The following HIP1 variants were observed in gnomAD, a reference collection of about 807,000 sequenced individuals.
HIP1 encodes huntingtin-interacting protein 1.
HIP1 carries 65 observed loss-of-function variants against 147.6 expected under a neutral mutation model. The ratio of observed to expected loss-of-function variants is 0.44; its 90% CI spans 0.36 to 0.54. The LOEUF is 0.54. HIP1 is among the 20% of genes least tolerant of loss of function. HIP1 has a pLI of 0.00. For missense variants in HIP1, 1,061 were observed against 1,299.6 expected, an observed-to-expected ratio of 0.82 and a Z score of 2.82; for synonymous variants, 479 against 504.0, an observed-to-expected ratio of 0.95 and a Z score of 0.67.
At chr7:75,637,535 G>A (rs1259010465) in intron 1 of HIP1, among the ~76,000 whole-genome samples, 5 of 79,058 alleles carry the variant, frequency 6.3e-5, no homozygotes, top group Admixed American at 2.8e-4. Flanking sequence ...CTGCAGAGAG[G>A]ATTTTTTTTT....
intron 9 of HIP1, among the ~76,000 whole-genome samples, chr7:75,565,279 G>A (rs1252152335): frequency 6.6e-6 from 1 of 152,134 alleles, no homozygotes; most frequent in Non-Finnish European, 1.5e-5. Flanking sequence ...CTACTCAGGG[G>A]AGATGTTTTT....
intron 1 of HIP1, among the ~76,000 whole-genome samples, chr7:75,645,243 TG>T (rs1404819598): frequency 6.6e-6 from 1 of 152,198 alleles, no homozygotes; most frequent in East Asian, 1.9e-4. Context: ...TATTATTTTT[TG>T]AGACGAAGTT....
intron 1 of HIP1, among the ~76,000 whole-genome samples, chr7:75,676,105 T>C (rs1799876592): frequency 6.6e-6 from 1 of 152,196 alleles, no homozygotes; most frequent in Non-Finnish European, 1.5e-5. Flanking sequence ...TAGGGTTTGT[T>C]CTTGTTGCTG....
At chr7:75,731,470 C>A (rs1168820680) in intron 1 of HIP1, among the ~76,000 whole-genome samples, 2 of 133,034 alleles carry the variant, frequency 1.5e-5, no homozygotes, top group Admixed American at 1.6e-4. Context: ...GTGACAGAGA[C>A]TCCAACTCAA....
chr7:75,730,066 A>G (rs1554522825), intron 1 of HIP1, among the ~76,000 whole-genome samples: 1 of 152,118 alleles, frequency 6.6e-6, no homozygotes, highest in Non-Finnish European at 1.5e-5. Flanking sequence ...CCGAGGGGGT[A>G]CAGTTGTCCA....
intron 9 of HIP1, among the ~76,000 whole-genome samples, chr7:75,567,332 G>C (rs1795446411): frequency 6.6e-6 from 1 of 151,240 alleles, no homozygotes; most frequent in African/African-American, 2.5e-5. Context: ...AGAACTTAGG[G>C]AGACAGAAAA....
intron 1 of HIP1, chr7:75,611,619 G>T (rs1341607829): frequency 3.0e-6 from 3 of 990,472 alleles, no homozygotes; most frequent in East Asian, 6.7e-5. Context: ...ATGCCTGGGG[G>T]CCCCTCCCAG....
At chr7:75,592,591 C>T in intron 2 of HIP1, 77 bp from the exon 3 acceptor site, 1 of 1,474,588 alleles carries the variant, frequency 6.8e-7, no homozygotes, top group Non-Finnish European at 9.2e-7. Context: ...CCAGCCACTG[C>T]AGGGGACTGA....
At chr7:75,562,453 T>C (rs1368924783) in intron 11 of HIP1, among the ~76,000 whole-genome samples, 3 of 152,266 alleles carry the variant, frequency 2.0e-5, no homozygotes, top group Admixed American at 6.6e-5. Flanking sequence ...CATACCTGGA[T>C]AATTTTTTTA....
chr7:75,686,796 G>T (rs920659299), intron 1 of HIP1, among the ~76,000 whole-genome samples: 1 of 151,602 alleles, frequency 6.6e-6, no homozygotes, highest in Non-Finnish European at 1.5e-5. Context: ...CAAGTGGCTG[G>T]GACTACAGTG....
At chr7:75,685,922 C>T (rs536476797) in intron 1 of HIP1, among the ~76,000 whole-genome samples, 20 of 151,470 alleles carry the variant, frequency 1.3e-4, no homozygotes, top group East Asian at 7.8e-4. Flanking sequence ...TGTTTTGAGA[C>T]GGAGTCTCTG....
intron 1 of HIP1, among the ~76,000 whole-genome samples, chr7:75,607,291 G>A (rs369770395): frequency 8.9e-5 from 13 of 146,482 alleles, no homozygotes; most frequent in South Asian, 8.7e-4. Context: ...GTGCAGTGGT[G>A]TGATCTCAGC....
intron 1 of HIP1, among the ~76,000 whole-genome samples, chr7:75,706,473 C>CTTTTTTTTTTTATTTTTTTTT (rs139655610): frequency 1.4e-5 from 2 of 138,100 alleles, no homozygotes; most frequent in Non-Finnish European, 1.5e-5. Flanking sequence ...TATATATCTT[C>CTTTTTTTTTTTATTTTTTTTT]TTTTTTTTTA....
rs369879797 is a variant in HIP1, at chr7:75,592,087, C to G, written c.353G>C (p.Arg118Thr). 5.6e-6 allele frequency: 9 copies of G among 1,614,042 alleles called. No homozygotes were observed. In the African/African-American group the frequency reaches 1.2e-4, roughly 22 times the overall value. ...CCTGCTCATGTCACTCAATTCATTT[C>G]TGTATCTCAGAGAGTCCTTCAGGAC... Reference protein sequence around the residue: ...PNVLKDSLRYRNELSDMSRMW... With the variant: ...PNVLKDSLRYTNELSDMSRMW... Residue 118 changes from arginine (R) to threonine (T), a missense_variant, in exon 4 of 31, where the codon AGA becomes ACA. Coordinates refer to ENST00000336926, the MANE Select transcript of HIP1 (RefSeq NM_005338.7).
intron 1 of HIP1, among the ~76,000 whole-genome samples, chr7:75,632,359 C>T (rs1303697187): frequency 6.6e-6 from 1 of 151,964 alleles, no homozygotes; most frequent in Non-Finnish European, 1.5e-5. Context: ...TGATCAGTGA[C>T]GATGAAAGAT....
At chr7:75,721,254 G>A (rs1222033796) in intron 1 of HIP1, among the ~76,000 whole-genome samples, 2 of 151,982 alleles carry the variant, frequency 1.3e-5, no homozygotes, top group Non-Finnish European at 2.9e-5. Context: ...GTGGGTGCCT[G>A]TAATCCCAGC....
rs553755825 is a variant in HIP1 at position 75,738,166 on chromosome 7, C to A, written c.120+635G>T. On this transcript the variant is annotated intron_variant, in intron 1 of 30. Transcript: ENST00000336926. The stretch of plus-strand genomic sequence containing the variant: ...AGGGGCACCATGGTCTCCACTTTAG[C>A]CCCCAAAGTAATTTTCCCACAAAGT... Among the ~76,000 whole-genome samples, 6 of 152,280 alleles carry A rather than the reference C, an allele frequency of 3.9e-5. No homozygotes were observed. In the South Asian group the frequency reaches 1.2e-3, roughly 32 times the overall value.
Position 75,538,058 on chromosome 7 carries a change from G to C in HIP1, c.*114C>G, listed in dbSNP as rs919140289. ...ATGCATGTCCTCGGCACTGGGTAAT[G>C]GCAGTGGTGTGGCTGCCCCTGGGAC... On this transcript the variant is annotated 3_prime_UTR_variant, in exon 31 of 31. Transcript: ENST00000336926. 2 of 822,994 alleles carry C rather than the reference G, an allele frequency of 2.4e-6. No individual in the cohort carries two copies. Among genetic ancestry groups the C allele is most frequent in the Non-Finnish European group, 4.3e-6 (2 of 462,218 alleles). The allele number at this position is 822,994 out of a possible 1,614,324, so 51.0% of individuals were successfully genotyped here.
rs1563264085 is a variant in HIP1, at chr7:75,640,760, AT to A, written c.121-41514del. ...AGAAGGAGACTCCATCTCAATAATA[AT>A]AATAATAATAATAATAATAATAATA... On this transcript the variant is annotated intron_variant, in intron 1 of 30. Coordinates refer to ENST00000336926, the MANE Select transcript of HIP1 (RefSeq NM_005338.7). 5.2e-3 allele frequency among the ~76,000 whole-genome samples: 546 copies of A among 104,514 alleles called. 2 individuals carry two copies. The highest frequency in any genetic ancestry group is 0.023 in the African/African-American group (518 of 22,138). 68.6% of individuals were successfully genotyped at this position (104,514 alleles called of 152,430 possible). A position where few individuals can be genotyped will look rare whatever the true frequency, so the allele number is the denominator to read the frequency against.
Sources: allele counts gnomAD v4.1 joint callset (sites outside exome capture counted in the v4.1 genomes callset), GRCh38; gene constraint gnomAD v4.1.1; transcripts MANE v1.5; gene names NCBI Gene and HGNC (gene_info 2026-07-23, HGNC 2026-07-21).